The following GUCY2C variants were observed in gnomAD, a reference collection of about 807,000 sequenced individuals.
GUCY2C encodes guanylate cyclase 2C, also known as guanylyl cyclase C.
A neutral mutation model predicts 131.1 loss-of-function variants in GUCY2C; 118 were observed. The ratio of observed to expected loss-of-function variants is 0.90; its 90% CI spans 0.78 to 1.05. The LOEUF is 1.05. Among genes scored for constraint, GUCY2C ranks in the 50% least tolerant of loss-of-function variants. The probability of loss-of-function intolerance (pLI) is 0.00; values close to 1 mark genes in which losing one functional copy is unlikely to be tolerated. For synonymous variants in GUCY2C, 452 were observed against 457.8 expected (o/e 0.99, Z 0.16); for missense variants, 1,161 against 1,304.4 (o/e 0.89, Z 1.69).
intron 1 of GUCY2C, among the ~76,000 whole-genome samples, chr12:14,693,102 C>T (rs1948602390): frequency 6.6e-6 from 1 of 152,114 alleles, no homozygotes; most frequent in Non-Finnish European, 1.5e-5. Flanking sequence ...TAAGCCATTT[C>T]CCCCATGCTA....
intron 6 of GUCY2C, among the ~76,000 whole-genome samples, chr12:14,677,814 A>T (rs1948270355): frequency 6.7e-6 from 1 of 149,582 alleles, no homozygotes; most frequent in Admixed American, 6.8e-5. Context: ...TCCTGACCTC[A>T]GGTGATCCGC....
rs1445331180 is a variant in GUCY2C, at chr12:14,681,464, G to T, written c.625C>A (p.Leu209Met). 1 of 1,597,140 alleles carries T rather than the reference G, an allele frequency of 6.3e-7. No homozygotes were observed. The highest frequency in any genetic ancestry group is 1.4e-5 in the African/African-American group (1 of 70,990). ...TEDCFWYLNA[L>M]EASVSYFSHE... ...GAGAAATAGGAAACGCTAGCCTCCA[G>T]AGCATTAAGGTACCTGGAATAGGAA... Residue 209 changes from leucine to methionine, a missense_variant, in exon 5 of 27, where the codon CTG becomes ATG. Coordinates refer to ENST00000261170, the MANE Select transcript of GUCY2C (RefSeq NM_004963.4).
intron 12 of GUCY2C, among the ~76,000 whole-genome samples, chr12:14,656,220 A>C (rs1184364294): frequency 3.3e-5 from 5 of 152,202 alleles, no homozygotes; most frequent in African/African-American, 1.2e-4. Flanking sequence ...GCCCATTCCT[A>C]CATCCCTTCC....
chr12:14,651,442 C>T lies in GUCY2C; in HGVS notation c.1675G>A (p.Gly559Arg), dbSNP rs763108254. The T allele has an allele frequency of 4.4e-6, 7 of 1,602,612 alleles. No homozygotes were observed. Among genetic ancestry groups the T allele is most frequent in the African/African-American group, 1.3e-5 (1 of 74,760 alleles). ...GTVKLDTMIFGVIEYCERGSL... is the reference protein window; with the variant it reads ...GTVKLDTMIFRVIEYCERGSL... ...CCTCTCTCACAGTATTCTATCACCC[C>T]GAAGATCATGGTATCAAGTTTCACT... is the stretch of plus-strand genomic sequence containing the variant. The change falls in exon 15 of 27, where the codon GGG (glycine) becomes AGG (arginine). Residue 559 changes from glycine to arginine, a missense_variant. Physicochemically the swap from Gly to Arg is moderately radical, Grantham distance 125. Coordinates refer to ENST00000261170, the MANE Select transcript of GUCY2C (RefSeq NM_004963.4).
At chr12:14,614,053 A>G (rs962791613) in intron 26 of GUCY2C, among the ~76,000 whole-genome samples, 1 of 152,114 alleles carries the variant, frequency 6.6e-6, no homozygotes, top group Admixed American at 6.5e-5. Flanking sequence ...TCATCAGGCA[A>G]CTCAACAGAA....
At chr12:14,639,016 G>T (rs994024058) in intron 19 of GUCY2C, among the ~76,000 whole-genome samples, 9 of 152,104 alleles carry the variant, frequency 5.9e-5, no homozygotes, top group African/African-American at 2.2e-4. Context: ...ATGAGGCCAG[G>T]CGCGGTGGCT....
At chr12:14,639,833 A>C in intron 19 of GUCY2C, 29 bp downstream of exon 19, 1 of 1,310,660 alleles carries the variant, frequency 7.6e-7, no homozygotes, top group Non-Finnish European at 1.1e-6. Context: ...TAGCAGGCCA[A>C]GGAAATGAAT....
At chr12:14,684,844 A>T (rs1251897564) in intron 3 of GUCY2C, among the ~76,000 whole-genome samples, 1 of 151,384 alleles carries the variant, frequency 6.6e-6, no homozygotes, top group Non-Finnish European at 1.5e-5. Flanking sequence ...TAATTTTTTT[A>T]TTTTTAAACT....
intron 3 of GUCY2C, among the ~76,000 whole-genome samples, chr12:14,683,863 G>C (rs1302092957): frequency 6.6e-6 from 1 of 152,074 alleles, no homozygotes; most frequent in Non-Finnish European, 1.5e-5. Context: ...ATTTATTTTA[G>C]TGTTTTGAGA....
chr12:14,649,456 A>G (rs892343937), intron 15 of GUCY2C, among the ~76,000 whole-genome samples: 1 of 152,210 alleles, frequency 6.6e-6, no homozygotes, highest in African/African-American at 2.4e-5. Context: ...TTCATTTAAC[A>G]TTGAACAAAG....
rs765939963 is a variant in GUCY2C at position 14,687,857 on chromosome 12, G to A, written c.330+94C>T. The A allele has an allele frequency of 4.1e-5, 30 of 731,746 alleles. No individual in the cohort carries two copies. The Middle Eastern group carries it at 8.8e-4, about 22-fold the overall frequency. 45.3% of individuals were successfully genotyped at this position (731,746 alleles called of 1,614,324 possible). On this transcript the variant is annotated intron_variant, in intron 2 of 26. Transcript: ENST00000261170. ...TTCAGCTATGTGGCTAGAGATGATG[G>A]GAGAGCTGCTTCATGGTCATGTGCC...
chr12:14,625,939 G>A, intron 20 of GUCY2C, 24 bp from the exon 21 acceptor site: 1 of 1,408,292 alleles, frequency 7.1e-7, no homozygotes, highest in Non-Finnish European at 1.0e-6. Flanking sequence ...TAGATAAAGA[G>A]CTCTTATATA....
chr12:14,691,055 AGTT>A (rs1423849100), intron 1 of GUCY2C, among the ~76,000 whole-genome samples: 1 of 152,246 alleles, frequency 6.6e-6, no homozygotes, highest in Non-Finnish European at 1.5e-5. Flanking sequence ...CTATAATAGA[AGTT>A]GTTCTTCTGA....
rs1179137820 is a variant in GUCY2C, at chr12:14,696,557, C to T, written c.-109G>A. ...GACAGCCTCTAGTGGAGTCCCTCAG[C>T]CCACTCTTCCCCACGCTTCTCTCTG... On this transcript the variant is annotated 5_prime_UTR_variant, in exon 1 of 27. Coordinates refer to ENST00000261170, the MANE Select transcript of GUCY2C (RefSeq NM_004963.4). The T allele has an allele frequency of 8.2e-6, 6 of 727,840 alleles. No individual in the cohort carries two copies. Among genetic ancestry groups the T allele is most frequent in the Non-Finnish European group, 9.4e-6 (4 of 426,598 alleles). The allele number at this position is 727,840 out of a possible 1,614,324, so 45.1% of individuals were successfully genotyped here.
At chr12:14,675,207 C>CAAAAAAAAAAAAAAA (rs35870014) in intron 7 of GUCY2C, among the ~76,000 whole-genome samples, 9 of 34,750 alleles carry the variant, frequency 2.6e-4, no homozygotes, top group South Asian at 1.2e-3. Flanking sequence ...AACTCCATCT[C>CAAAAAAAAAAAAAAA]AAAAAAAAAA....
intron 19 of GUCY2C, among the ~76,000 whole-genome samples, chr12:14,635,446 G>T (rs1448981035): frequency 6.6e-6 from 1 of 151,694 alleles, no homozygotes; most frequent in Non-Finnish European, 1.5e-5. Flanking sequence ...ACAACTTATG[G>T]GATACAGCGA....
intron 19 of GUCY2C, among the ~76,000 whole-genome samples, chr12:14,630,171 A>C (rs774343484): frequency 2.6e-5 from 4 of 151,750 alleles, no homozygotes; most frequent in Non-Finnish European, 4.4e-5. Flanking sequence ...ACTCCGGCTA[A>C]AAACAAGATC....
At chr12:14,680,313 T>G (rs1427113792) in intron 5 of GUCY2C, among the ~76,000 whole-genome samples, 1 of 152,184 alleles carries the variant, frequency 6.6e-6, no homozygotes, top group Non-Finnish European at 1.5e-5. Flanking sequence ...TTCTGCTAGC[T>G]ATCCTGAATG....
chr12:14,627,256 C>T (rs990347491), intron 20 of GUCY2C, among the ~76,000 whole-genome samples: 1 of 152,192 alleles, frequency 6.6e-6, no homozygotes, highest in Non-Finnish European at 1.5e-5. Context: ...TGGCCTGCAT[C>T]ATCATCCCCT....
Sources: allele counts gnomAD v4.1 joint callset (sites outside exome capture counted in the v4.1 genomes callset), GRCh38; gene constraint gnomAD v4.1.1; transcripts MANE v1.5; gene names NCBI Gene and HGNC (gene_info 2026-07-23, HGNC 2026-07-21).